PPM1H: variants seen among roughly 807,000 people sequenced by gnomAD.
The protein encoded by PPM1H is protein phosphatase 1H.
Under a neutral mutation model 54.9 loss-of-function variants are expected in PPM1H, and 27 were observed. The observed-to-expected ratio is 0.49, with a 90% CI of 0.36 to 0.68. PPM1H has a LOEUF of 0.68. Ranked by LOEUF, PPM1H falls within the 30% of genes least tolerant of loss-of-function variation. The pLI, the probability that PPM1H is intolerant of heterozygous loss-of-function variation, is 0.00. For synonymous variants in PPM1H, 305 were observed against 270.8 expected, an observed-to-expected ratio of 1.13 and a Z score of -1.24; for missense variants, 596 against 667.8, an observed-to-expected ratio of 0.89 and a Z score of 1.19.
intron 6 of PPM1H, among the ~76,000 whole-genome samples, chr12:62,708,229 T>C (rs1208015930): frequency 6.6e-6 from 1 of 152,240 alleles, no homozygotes; most frequent in Admixed American, 6.5e-5. Context: ...GTCCTTGATT[T>C]ACTTGTCTGA....
At position 62,753,879 on chromosome 12, in the gene PPM1H, G is replaced by A. The variant is rs187364960; in HGVS notation, c.870-16293C>T. 1.9e-3 allele frequency among the ~76,000 whole-genome samples: 289 copies of A among 152,244 alleles called. 1 individual carries two copies. Among genetic ancestry groups the A allele is most frequent in the Non-Finnish European group, 2.6e-3 (179 of 68,020 alleles). ...TCTGCCTTGGAGCTTGGGCTTTCTT[G>A]TTCTGATTCTTACTTGATTTTTGTT... On this transcript the variant is annotated intron_variant, in intron 4 of 9. Transcript: ENST00000228705.
chr12:62,771,101 G>A (rs1018212793), intron 4 of PPM1H, among the ~76,000 whole-genome samples: 2 of 133,166 alleles, frequency 1.5e-5, no homozygotes, highest in East Asian at 2.2e-4. Context: ...TGTGTTTTTC[G>A]AATGCCTGAG....
chr12:62,819,480 AGTTAT>A (rs1412015178), intron 2 of PPM1H, among the ~76,000 whole-genome samples: 7 of 152,204 alleles, frequency 4.6e-5, no homozygotes, highest in African/African-American at 1.7e-4. Context: ...CTGTATTATA[AGTTAT>A]ATCACTAAAC....
At chr12:62,905,545 C>T (rs1280829741) in intron 1 of PPM1H, among the ~76,000 whole-genome samples, 1 of 152,122 alleles carries the variant, frequency 6.6e-6, no homozygotes, top group Admixed American at 6.6e-5. Flanking sequence ...AGAGAGTATC[C>T]ATTCCACTTT....
rs111785320 is a variant in PPM1H, at chr12:62,868,312, C to G, written c.246-36033G>C. On this transcript the variant is annotated intron_variant, in intron 1 of 9. Coordinates refer to ENST00000228705, the MANE Select transcript of PPM1H (RefSeq NM_020700.2). The stretch of plus-strand genomic sequence containing the variant: ...ATTCCCTGTAAAGACCATGTAACAT[C>G]TGAGCCTGAACAACGTGTAGGTCGC... 3.8e-4 allele frequency among the ~76,000 whole-genome samples: 58 copies of G among 152,286 alleles called. 1 individual carries two copies. Among genetic ancestry groups the G allele is most frequent in the African/African-American group, 1.3e-3 (55 of 41,550 alleles).
At chr12:62,714,900 A>G (rs2076226985) in intron 6 of PPM1H, among the ~76,000 whole-genome samples, 1 of 152,228 alleles carries the variant, frequency 6.6e-6, no homozygotes. Flanking sequence ...AAATCCCATC[A>G]GCCCAGGAAC....
At chr12:62,711,274 G>T (rs2120424515) in intron 6 of PPM1H, among the ~76,000 whole-genome samples, 1 of 152,304 alleles carries the variant, frequency 6.6e-6, no homozygotes. Context: ...TTACAGGCGT[G>T]AGCCACTACA....
intron 6 of PPM1H, among the ~76,000 whole-genome samples, chr12:62,718,913 G>A (rs2076249508): frequency 6.6e-6 from 1 of 152,174 alleles, no homozygotes; most frequent in African/African-American, 2.4e-5. Flanking sequence ...AAATTCTTAG[G>A]CTTGAGAACC....
intron 9 of PPM1H, among the ~76,000 whole-genome samples, chr12:62,657,137 G>C (rs1042187604): frequency 6.6e-6 from 1 of 152,124 alleles, no homozygotes; most frequent in African/African-American, 2.4e-5. Context: ...GGGAGTTTGT[G>C]TGCTGCCAGC....
intron 2 of PPM1H, among the ~76,000 whole-genome samples, chr12:62,802,975 A>G (rs2076780641): frequency 6.7e-6 from 1 of 149,940 alleles, no homozygotes; most frequent in East Asian, 1.9e-4. Flanking sequence ...CAGGTTTTCC[A>G]ACGGGAAATA....
chr12:62,806,477 G>A (rs903666547), intron 2 of PPM1H, among the ~76,000 whole-genome samples: 1 of 152,158 alleles, frequency 6.6e-6, no homozygotes. Flanking sequence ...GACTGATACG[G>A]TTTGGATTTG....
chr12:62,848,676 C>T lies in PPM1H; in HGVS notation c.246-16397G>A, dbSNP rs557107996. ...TGCACTGGCCTGGATGAATCATGGT[C>T]GTTTTAATTTCACCAAGCACTGGAA... On this transcript the variant is annotated intron_variant, in intron 1 of 9. Transcript: ENST00000228705. Among the ~76,000 whole-genome samples the T allele has an allele frequency of 3.0e-4, 45 of 152,278 alleles. 1 individual carries two copies. In the South Asian group the frequency reaches 6.4e-3, roughly 22 times the overall value.
intron 4 of PPM1H, chr12:62,755,881 C>A: frequency 1.3e-6 from 1 of 782,970 alleles, no homozygotes; most frequent in Non-Finnish European, 2.3e-6. Context: ...AGGTTGTGGG[C>A]AAGGTCATCC....
chr12:62,708,034 C>T (rs2076184799), intron 6 of PPM1H, among the ~76,000 whole-genome samples: 1 of 152,204 alleles, frequency 6.6e-6, no homozygotes, highest in Admixed American at 6.5e-5. Flanking sequence ...GTTCCATCCC[C>T]TCATGAGGCT....
chr12:62,815,312 T>C (rs2076859949), intron 2 of PPM1H, among the ~76,000 whole-genome samples: 1 of 152,226 alleles, frequency 6.6e-6, no homozygotes, highest in African/African-American at 2.4e-5. Flanking sequence ...ATTGCAGGTT[T>C]CTTTGGTTCA....
rs1315061802 is a variant in PPM1H, at chr12:62,935,140, C to G, written c.-404G>C. ...GCGGCTGCTGCCACGGCTACTGCCG[C>G]CGGGTCATGTGATAATCAGGCTGCA... On this transcript the variant is annotated 5_prime_UTR_variant, in exon 1 of 10. Transcript: ENST00000228705. 1.3e-5 allele frequency: 2 copies of G among 154,216 alleles called. No homozygotes were observed. The highest frequency in any genetic ancestry group is 2.9e-5 in the Non-Finnish European group (2 of 69,414). 9.6% of individuals were successfully genotyped at this position (154,216 alleles called of 1,614,324 possible).
chr12:62,724,283 G>A (rs2076278055), intron 5 of PPM1H, among the ~76,000 whole-genome samples: 1 of 152,108 alleles, frequency 6.6e-6, no homozygotes, highest in African/African-American at 2.4e-5. Flanking sequence ...TTTTGTTATA[G>A]GGGCATCAGC....
At chr12:62,686,934 G>C (rs950040335) in intron 8 of PPM1H, among the ~76,000 whole-genome samples, 1 of 152,176 alleles carries the variant, frequency 6.6e-6, no homozygotes, top group Non-Finnish European at 1.5e-5. Flanking sequence ...CTAGGTGACT[G>C]TTTGTGCCCA....
chr12:62,774,161 G>A (rs148140528), intron 4 of PPM1H, among the ~76,000 whole-genome samples: 1 of 152,278 alleles, frequency 6.6e-6, no homozygotes, highest in Non-Finnish European at 1.5e-5. Flanking sequence ...CAATTAGTAA[G>A]ATCCTGTTAA....
Sources: allele counts gnomAD v4.1 joint callset (sites outside exome capture counted in the v4.1 genomes callset), GRCh38; gene constraint gnomAD v4.1.1; transcripts MANE v1.5; gene names NCBI Gene and HGNC (gene_info 2026-07-23, HGNC 2026-07-21).